The following IL1RN variants were observed in gnomAD, a reference collection of about 807,000 sequenced individuals.
IL1RN encodes the protein interleukin 1 receptor antagonist.
A neutral mutation model predicts 13.7 loss-of-function variants in IL1RN; 10 were observed. The observed-to-expected ratio is 0.73, with a 90% CI of 0.45 to 1.24. The LOEUF (loss-of-function observed/expected upper bound fraction) is 1.24, where lower values mean the gene tolerates loss of function less well. Ranked by LOEUF, IL1RN falls within the 50% of genes most tolerant of loss-of-function variation. The probability of loss-of-function intolerance (pLI) is 0.00; values close to 1 mark genes in which losing one functional copy is unlikely to be tolerated. For missense variants in IL1RN, 213 were observed against 222.1 expected (o/e 0.96, Z 0.26); for synonymous variants, 102 against 82.7 (o/e 1.23, Z -1.27).
chr2:113,126,985 T>C (rs867492076), upstream of IL1RN, among the ~76,000 whole-genome samples: 3 of 152,350 alleles, frequency 2.0e-5, no homozygotes, highest in Admixed American at 6.5e-5. Context: ...CCAAATCCGG[T>C]CCATTCCCCG....
At chr2:113,109,411 TA>T (rs35727625), upstream of IL1RN, among the ~76,000 whole-genome samples, 72,611 of 132,736 alleles carry the variant, frequency 0.55, 19,444 homozygotes, top group African/African-American at 0.64. Flanking sequence ...AAACGCCATC[TA>T]AAAAAAAAAA....
chr2:113,124,699 C>T (rs1475938711), upstream of IL1RN, among the ~76,000 whole-genome samples: 1 of 152,046 alleles, frequency 6.6e-6, no homozygotes, highest in African/African-American at 2.4e-5. Context: ...GATGATGTGG[C>T]TTCTATTATT....
At chr2:113,112,492 A>T (rs1332847946) in intron 1 of IL1RN, among the ~76,000 whole-genome samples, 1 of 152,156 alleles carries the variant, frequency 6.6e-6, no homozygotes, top group Admixed American at 6.5e-5. Flanking sequence ...GATAAGGTAA[A>T]GGGATGTGAG....
intron 1 of IL1RN, among the ~76,000 whole-genome samples, chr2:113,112,052 A>G (rs1472576821): frequency 6.6e-6 from 1 of 152,220 alleles, no homozygotes; most frequent in Non-Finnish European, 1.5e-5. Context: ...ATCCTTTGTA[A>G]GAGACCACAG....
upstream of IL1RN, among the ~76,000 whole-genome samples, chr2:113,123,033 G>A (rs746551731): frequency 6.6e-6 from 1 of 152,152 alleles, no homozygotes; most frequent in Non-Finnish European, 1.5e-5. Context: ...GTTGAGGCAG[G>A]GGAATTGCTT....
At chr2:113,123,132 A>G (rs970015914), upstream of IL1RN, among the ~76,000 whole-genome samples, 2 of 152,224 alleles carry the variant, frequency 1.3e-5, no homozygotes, top group African/African-American at 4.8e-5. Context: ...TCTCAAAAAA[A>G]TAAATAAATA....
chr2:113,120,117 C>G (rs775797091), exon 2 of IL1RN: 1 of 1,612,484 alleles, frequency 6.2e-7, no homozygotes. Flanking sequence ...GAAGACAATG[C>G]TGACTCAAAG....
At chr2:113,107,684 G>C (rs899806180), upstream of IL1RN, among the ~76,000 whole-genome samples, 5 of 152,164 alleles carry the variant, frequency 3.3e-5, no homozygotes, top group Admixed American at 6.5e-5. Context: ...AGTGAGCTGA[G>C]ATCATGCTGC....
At chr2:113,118,091 G>A in intron 1 of IL1RN, 2 of 1,612,898 alleles carry the variant, frequency 1.2e-6, no homozygotes, top group Non-Finnish European at 1.7e-6. Flanking sequence ...TCTACAATTG[G>A]TGTTTATCAA....
chr2:113,108,258 A>T (rs992406240), upstream of IL1RN, among the ~76,000 whole-genome samples: 82 of 151,404 alleles, frequency 5.4e-4, no homozygotes, highest in Non-Finnish European at 9.7e-4. Context: ...GGGGTTATAA[A>T]TTTTTTTTAT....
chr2:113,100,759 TA>T, the IL1RN span, among the ~76,000 whole-genome samples: 1 of 152,174 alleles, frequency 6.6e-6, no homozygotes, highest in African/African-American at 2.4e-5. Context: ...ACAGGGTGGC[TA>T]AAAAGCTCAA....
In IL1RN at chr2:113,129,734, T is replaced by C. The variant is rs148722521; in HGVS notation, c.205+70T>C. The C allele has an allele frequency of 2.6e-5, 25 of 977,504 alleles. No individual in the cohort carries two copies. In the East Asian group the frequency reaches 5.5e-4, roughly 21 times the overall value. 60.6% of individuals were successfully genotyped at this position (977,504 alleles called of 1,614,324 possible). A position where few individuals can be genotyped will look rare whatever the true frequency, so the allele number is the denominator to read the frequency against. ...CTTTGCCCGTCTGTCTGCAGCAGCA[T>C]GGCCTGCCTGCACAAACCCTAGGTG... On this transcript the variant is annotated intron_variant, in intron 2 of 3. Transcript: ENST00000409930.
upstream of IL1RN, among the ~76,000 whole-genome samples, chr2:113,102,534 G>A (rs1343787349): frequency 3.9e-5 from 6 of 152,292 alleles, no homozygotes; most frequent in South Asian, 2.1e-4. Flanking sequence ...GGCGTGTCAC[G>A]TGCGTCTGTG....
At chr2:113,106,081 T>C (rs1686382458), upstream of IL1RN, among the ~76,000 whole-genome samples, 1 of 152,242 alleles carries the variant, frequency 6.6e-6, no homozygotes, top group South Asian at 2.1e-4. Context: ...TCCCTTGTTA[T>C]TGATGAAAGT....
intron 1 of IL1RN, among the ~76,000 whole-genome samples, chr2:113,112,641 C>T (rs1360331872): frequency 2.6e-5 from 4 of 152,322 alleles, no homozygotes; most frequent in African/African-American, 7.2e-5. Context: ...GGCTTCTCAC[C>T]GTTCCTCTTC....
At chr2:113,121,135 TTCATCG>T (rs200892667) in intron 2 of IL1RN, among the ~76,000 whole-genome samples, 3 of 150,858 alleles carry the variant, frequency 2.0e-5, no homozygotes. Flanking sequence ...CTTATTCTTC[TTCATCG>T]TCTTCGTCTT....
chr2:113,104,459 A>G (rs1003235154), upstream of IL1RN, among the ~76,000 whole-genome samples: 5 of 152,112 alleles, frequency 3.3e-5, no homozygotes, highest in Non-Finnish European at 7.4e-5. Flanking sequence ...CTGCCCCCAC[A>G]TGTCTATTCC....
At chr2:113,109,420 A>AAAG (rs1310765604), upstream of IL1RN, among the ~76,000 whole-genome samples, 41 of 151,904 alleles carry the variant, frequency 2.7e-4, no homozygotes, top group Non-Finnish European at 4.1e-4. Flanking sequence ...CTAAAAAAAA[A>AAAG]AAAAAAAAAA....
At chr2:113,117,800 C>T (rs1044738199), upstream of IL1RN, 15 of 617,062 alleles carry the variant, frequency 2.4e-5, no homozygotes, top group Non-Finnish European at 2.9e-5. Flanking sequence ...AGCCATCAGC[C>T]GGCCCATCTC....
Sources: allele counts gnomAD v4.1 joint callset (sites outside exome capture counted in the v4.1 genomes callset), GRCh38; gene constraint gnomAD v4.1.1; transcripts MANE v1.5; gene names NCBI Gene and HGNC (gene_info 2026-07-23, HGNC 2026-07-21).